Variants in NCAM2 observed in about 807,000 individuals in gnomAD.
NCAM2 encodes the protein N-CAM-2.
A neutral mutation model predicts 98.1 loss-of-function variants in NCAM2; 30 were observed. That is an observed-to-expected ratio of 0.31 (90% CI 0.23 to 0.41). The LOEUF (loss-of-function observed/expected upper bound fraction) is 0.41, where lower values mean the gene tolerates loss of function less well. Among genes scored for constraint, NCAM2 ranks in the 10% least tolerant of loss-of-function variants. The pLI is 1.00. For missense variants in NCAM2, 867 were observed against 1,005.8 expected, an observed-to-expected ratio of 0.86 and a Z score of 1.87; for synonymous variants, 368 against 342.4, an observed-to-expected ratio of 1.07 and a Z score of -0.83.
chr21:21,170,401 G>C (rs2068084140), intron 1 of NCAM2, among the ~76,000 whole-genome samples: 2 of 152,154 alleles, frequency 1.3e-5, no homozygotes, highest in Non-Finnish European at 2.9e-5. Flanking sequence ...AAAAAGAAAT[G>C]AGCAGTCAAA....
intron 1 of NCAM2, among the ~76,000 whole-genome samples, chr21:21,240,013 T>C (rs535893870): frequency 3.9e-5 from 6 of 152,246 alleles, no homozygotes; most frequent in Non-Finnish European, 7.4e-5. Context: ...CTCTTAAGCT[T>C]ATACACACAT....
At chr21:21,251,471 C>A (rs2071467136) in intron 1 of NCAM2, among the ~76,000 whole-genome samples, 1 of 152,136 alleles carries the variant, frequency 6.6e-6, no homozygotes, top group South Asian at 2.1e-4. Context: ...CATGTCCCTG[C>A]AAAGGACATG....
intron 8 of NCAM2, among the ~76,000 whole-genome samples, chr21:21,347,871 A>T (rs1198722857): frequency 1.3e-5 from 2 of 152,070 alleles, no homozygotes; most frequent in Admixed American, 6.6e-5. Context: ...CCATATGATC[A>T]TTTCATTTGA....
chr21:21,392,742 A>G (rs1362005007), intron 9 of NCAM2, among the ~76,000 whole-genome samples: 1 of 152,146 alleles, frequency 6.6e-6, no homozygotes, highest in Non-Finnish European at 1.5e-5. Context: ...GGCCACATGT[A>G]TGTCCTCTTT....
At chr21:21,260,149 A>G (rs2071838675) in intron 1 of NCAM2, among the ~76,000 whole-genome samples, 1 of 151,940 alleles carries the variant, frequency 6.6e-6, no homozygotes, top group African/African-American at 2.4e-5. Context: ...AGACAAAAAT[A>G]AAGAAAAATA....
At chr21:21,487,852 T>C (rs1334371484) in intron 15 of NCAM2, among the ~76,000 whole-genome samples, 1 of 152,150 alleles carries the variant, frequency 6.6e-6, no homozygotes, top group Non-Finnish European at 1.5e-5. Context: ...TTCTTTCCTA[T>C]AAAATGTATT....
intron 1 of NCAM2, among the ~76,000 whole-genome samples, chr21:21,001,728 A>G (rs1034348635): frequency 3.9e-5 from 6 of 152,216 alleles, no homozygotes; most frequent in African/African-American, 1.4e-4. Context: ...AGTAAGAATA[A>G]TGCTATTCAT....
intron 13 of NCAM2, among the ~76,000 whole-genome samples, chr21:21,467,272 A>G (rs1983804952): frequency 1.3e-5 from 2 of 151,390 alleles, no homozygotes; most frequent in African/African-American, 2.4e-5. Flanking sequence ...TAAAAGACTT[A>G]ACATTTCCTT....
At chr21:21,217,507 T>G (rs1307665459) in intron 1 of NCAM2, among the ~76,000 whole-genome samples, 2 of 152,178 alleles carry the variant, frequency 1.3e-5, no homozygotes, top group East Asian at 3.9e-4. Flanking sequence ...AAAAAAAATC[T>G]TAAAAACTAG....
intron 8 of NCAM2, among the ~76,000 whole-genome samples, chr21:21,367,311 G>A (rs1354061532): frequency 6.6e-6 from 1 of 151,836 alleles, no homozygotes; most frequent in Non-Finnish European, 1.5e-5. Context: ...TGAAATCTGG[G>A]CTTTTATATT....
chr21:21,131,685 A>T (rs2066939510), intron 1 of NCAM2, among the ~76,000 whole-genome samples: 1 of 152,196 alleles, frequency 6.6e-6, no homozygotes, highest in African/African-American at 2.4e-5. Flanking sequence ...GTCAATTACT[A>T]CAATTTTATA....
At chr21:21,403,329 T>G (rs527347555) in intron 9 of NCAM2, among the ~76,000 whole-genome samples, 22 of 152,292 alleles carry the variant, frequency 1.4e-4, no homozygotes, top group Non-Finnish European at 2.5e-4. Context: ...CTTTTGCATC[T>G]GCCTCATCCA....
intron 1 of NCAM2, among the ~76,000 whole-genome samples, chr21:21,259,762 A>G (rs140816128): frequency 2.0e-5 from 3 of 152,242 alleles, no homozygotes; most frequent in Non-Finnish European, 4.4e-5. Flanking sequence ...GCCACAGCAC[A>G]GAAGCTGTCC....
intron 1 of NCAM2, among the ~76,000 whole-genome samples, chr21:21,275,556 G>A (rs1339727473): frequency 6.6e-6 from 1 of 151,920 alleles, no homozygotes; most frequent in Non-Finnish European, 1.5e-5. Context: ...CCAAAATTCT[G>A]TCTCCCTACC....
chr21:21,085,214 A>G (rs2065885300), intron 1 of NCAM2, among the ~76,000 whole-genome samples: 1 of 148,992 alleles, frequency 6.7e-6, no homozygotes, highest in South Asian at 2.1e-4. Flanking sequence ...TTTTTTTTTA[A>G]TTATAAAGAA....
chr21:21,239,453 C>G (rs779992879), intron 1 of NCAM2: 15 of 152,094 alleles, frequency 9.9e-5, no homozygotes, highest in Admixed American at 7.9e-4. Context: ...AAAATTATCT[C>G]CCTTTAAAGA....
intron 8 of NCAM2, among the ~76,000 whole-genome samples, chr21:21,349,287 C>G (rs2075273551): frequency 6.6e-6 from 1 of 151,838 alleles, no homozygotes; most frequent in African/African-American, 2.4e-5. Flanking sequence ...ACACATTTAC[C>G]AAAAGAAGAT....
intron 8 of NCAM2, among the ~76,000 whole-genome samples, chr21:21,348,950 G>C (rs232379): frequency 0.43 from 65,844 of 151,940 alleles, 14,479 homozygotes; most frequent in East Asian, 0.59. Context: ...ATGGATTAAA[G>C]ACTTAAATCT....
At chr21:21,169,576 A>T (rs1374140549) in intron 1 of NCAM2, among the ~76,000 whole-genome samples, 2 of 152,184 alleles carry the variant, frequency 1.3e-5, no homozygotes, top group Non-Finnish European at 2.9e-5. Flanking sequence ...TATACAAATA[A>T]CTCTTAAAAT....
Sources: allele counts gnomAD v4.1 joint callset (sites outside exome capture counted in the v4.1 genomes callset), GRCh38; gene constraint gnomAD v4.1.1; transcripts MANE v1.5; gene names NCBI Gene and HGNC (gene_info 2026-07-23, HGNC 2026-07-21).